The following DNAH14 variants were observed in gnomAD, a reference collection of about 807,000 sequenced individuals.
DNAH14 encodes the protein axonemal beta dynein heavy chain 14.
In DNAH14, 478 loss-of-function variants were observed where a neutral mutation model predicts 520.9. That is an observed-to-expected ratio of 0.92 (90% CI 0.85 to 0.99). The LOEUF is 0.99. DNAH14 is among the 50% of genes least tolerant of loss of function. DNAH14 has a pLI of 0.00. For missense variants in DNAH14, 4,831 were observed against 5,234.5 expected (o/e 0.92, Z 2.38); for synonymous variants, 1,581 against 1,757.2 (o/e 0.90, Z 2.51).
chr1:224,937,366 A>G (rs2059110894), intron 1 of DNAH14, among the ~76,000 whole-genome samples: 1 of 152,100 alleles, frequency 6.6e-6, no homozygotes. Flanking sequence ...GTTGCAAGTT[A>G]CAAAATCAAC....
chr1:225,347,203 A>G (rs1285435173), intron 71 of DNAH14, among the ~76,000 whole-genome samples: 1 of 152,328 alleles, frequency 6.6e-6, no homozygotes, highest in East Asian at 1.9e-4. Context: ...TAAGTCTGCA[A>G]GATGGCAGAC....
intron 10 of DNAH14, among the ~76,000 whole-genome samples, chr1:225,022,746 A>G (rs751459637): frequency 1.3e-5 from 2 of 152,342 alleles, no homozygotes; most frequent in Non-Finnish European, 1.5e-5. Context: ...TACTGGATAT[A>G]TACCCAAAGG....
intron 41 of DNAH14, among the ~76,000 whole-genome samples, chr1:225,226,622 C>T (rs2090562687): frequency 6.6e-6 from 1 of 152,170 alleles, no homozygotes; most frequent in Admixed American, 6.5e-5. Flanking sequence ...CCTGCCCCTC[C>T]ACACCTGTGG....
intron 37 of DNAH14, among the ~76,000 whole-genome samples, chr1:225,191,903 A>G (rs1573875496): frequency 6.6e-6 from 1 of 151,782 alleles, no homozygotes; most frequent in Admixed American, 6.6e-5. Context: ...GTTCCCTTTT[A>G]TAATTTCTGT....
Position 225,389,878 on chromosome 1 carries a change from G to A in DNAH14, c.13330+5G>A. ...CAGCTTTCTTCTTTCCACAAGGTGA[G>A]CATTAGAACCAAGGTCAGCTCCAGA... On this transcript the variant is annotated splice_donor_5th_base_variant and intron_variant, in intron 83 of 85. Coordinates refer to ENST00000682510, the MANE Select transcript of DNAH14 (RefSeq NM_001367479.1). 2 of 1,551,430 alleles carry A rather than the reference G, an allele frequency of 1.3e-6. No homozygotes were observed. Among genetic ancestry groups the A allele is most frequent in the Non-Finnish European group, 1.7e-6 (2 of 1,146,854 alleles).
At chr1:225,169,858 G>A (rs906753874) in intron 36 of DNAH14, among the ~76,000 whole-genome samples, 4 of 152,146 alleles carry the variant, frequency 2.6e-5, no homozygotes, top group African/African-American at 7.2e-5. Context: ...AATGTTAAGG[G>A]CAGCCAGAGA....
intron 18 of DNAH14, 89 bp from the exon 19 acceptor site, chr1:225,080,290 A>G: frequency 7.6e-7 from 1 of 1,307,690 alleles, no homozygotes; most frequent in Non-Finnish European, 1.0e-6. Context: ...AAAAGCCTAG[A>G]TTATATACTA....
intron 1 of DNAH14, among the ~76,000 whole-genome samples, chr1:224,937,104 C>T (rs1961688): frequency 0.055 from 8,391 of 151,640 alleles, 472 homozygotes; most frequent in East Asian, 0.24. Context: ...GACCTACAGC[C>T]GACATCAGGG....
intron 37 of DNAH14, among the ~76,000 whole-genome samples, chr1:225,189,821 C>T (rs573914439): frequency 1.2e-4 from 18 of 151,944 alleles, no homozygotes; most frequent in East Asian, 3.9e-4. Context: ...TGCCTTTTTG[C>T]GATTTTATTC....
intron 79 of DNAH14, among the ~76,000 whole-genome samples, chr1:225,379,499 CTTTTA>C (rs1357613197): frequency 1.3e-5 from 2 of 151,888 alleles, no homozygotes; most frequent in African/African-American, 4.8e-5. Context: ...CTCTTGATTT[CTTTTA>C]TTTTATTTTC....
chr1:225,055,016 G>C (rs561047368), intron 17 of DNAH14, among the ~76,000 whole-genome samples: 1 of 150,448 alleles, frequency 6.6e-6, no homozygotes, highest in African/African-American at 2.4e-5. Flanking sequence ...TATTTTTGCT[G>C]TATTGATCAG....
chr1:225,169,742 C>T (rs1018059970), intron 36 of DNAH14, among the ~76,000 whole-genome samples: 4 of 152,128 alleles, frequency 2.6e-5, no homozygotes, highest in African/African-American at 9.7e-5. Context: ...GGCAAGCCAA[C>T]ATTCAAATTC....
Position 225,248,065 on chromosome 1 carries a change from A to T in DNAH14, c.6749-4236A>T, listed in dbSNP as rs1162237704. ...GACAAATTTTTATTAGCAACAATAGAGATCAAAAGATAATGTAGTAATATC... is the reference window on the plus strand; with the variant it reads ...GACAAATTTTTATTAGCAACAATAGTGATCAAAAGATAATGTAGTAATATC... On this transcript the variant is annotated intron_variant, in intron 43 of 85. Coordinates refer to ENST00000682510, the MANE Select transcript of DNAH14 (RefSeq NM_001367479.1). Among the ~76,000 whole-genome samples, 4 of 152,286 alleles carry T rather than the reference A, an allele frequency of 2.6e-5. No homozygotes were observed. The South Asian group carries it at 8.3e-4, about 32-fold the overall frequency.
chr1:225,390,438 C>G (rs1316609766), intron 83 of DNAH14, among the ~76,000 whole-genome samples: 1 of 152,118 alleles, frequency 6.6e-6, no homozygotes, highest in East Asian at 1.9e-4. Flanking sequence ...AGGCAAGAAC[C>G]AGGTCTGTTT....
intron 27 of DNAH14, among the ~76,000 whole-genome samples, chr1:225,128,980 A>C (rs2078078524): frequency 6.6e-6 from 1 of 152,110 alleles, no homozygotes. Context: ...CTCAGGATAC[A>C]AAATCAATGC....
intron 1 of DNAH14, among the ~76,000 whole-genome samples, chr1:224,939,418 C>G (rs549713433): frequency 6.6e-5 from 10 of 152,106 alleles, no homozygotes; most frequent in South Asian, 4.1e-4. Context: ...TGCCTGTAAT[C>G]CCAGCACTTT....
At chr1:225,121,006 GA>G (rs1409767935) in intron 26 of DNAH14, among the ~76,000 whole-genome samples, 2 of 151,982 alleles carry the variant, frequency 1.3e-5, no homozygotes, top group Admixed American at 6.6e-5. Context: ...AATTTTATTG[GA>G]AAAGCTTCTA....
At chr1:225,296,505 G>C (rs1490279080) in intron 55 of DNAH14, among the ~76,000 whole-genome samples, 1 of 142,968 alleles carries the variant, frequency 7.0e-6, no homozygotes, top group Non-Finnish European at 1.5e-5. Context: ...GTTTGTGGTG[G>C]GTGGTTTTTT....
chr1:225,252,298 T>C lies in DNAH14; in HGVS notation c.6749-3T>C. 6.6e-7 allele frequency: 1 copy of C among 1,509,768 alleles called. No individual in the cohort carries two copies. Among genetic ancestry groups the C allele is most frequent in the Non-Finnish European group, 9.0e-7 (1 of 1,109,434 alleles). 93.5% of individuals were successfully genotyped at this position (1,509,768 alleles called of 1,614,324 possible). ...TAGTTGAATTTATTATTTTCGGTTG[T>C]AGGCATCAACCTACCAACTGGTGAA... On this transcript the variant is annotated splice_polypyrimidine_tract_variant and splice_region_variant and intron_variant, in intron 43 of 85. Coordinates refer to ENST00000682510, the MANE Select transcript of DNAH14 (RefSeq NM_001367479.1).
Sources: allele counts gnomAD v4.1 joint callset (sites outside exome capture counted in the v4.1 genomes callset), GRCh38; gene constraint gnomAD v4.1.1; transcripts MANE v1.5; gene names NCBI Gene and HGNC (gene_info 2026-07-23, HGNC 2026-07-21).